The following SCHIP1 variants were observed in gnomAD, a reference collection of about 807,000 sequenced individuals.
SCHIP1 encodes schwannomin interacting protein 1.
Under a neutral mutation model 29.7 loss-of-function variants are expected in SCHIP1, and 8 were observed. The ratio of observed to expected loss-of-function variants is 0.27; its 90% CI spans 0.16 to 0.49. The LOEUF (loss-of-function observed/expected upper bound fraction) is 0.49. Among genes scored for constraint, SCHIP1 ranks in the 20% least tolerant of loss-of-function variants. The pLI is 0.99. For missense variants in SCHIP1, 193 were observed against 294.6 expected, an observed-to-expected ratio of 0.66 and a Z score of 2.52; for synonymous variants, 76 against 94.9, an observed-to-expected ratio of 0.80 and a Z score of 1.16.
At chr3:159,638,790 A>G in the SCHIP1 span, among the ~76,000 whole-genome samples, 1 of 152,098 alleles carries the variant, frequency 6.6e-6, no homozygotes, top group African/African-American at 2.4e-5. Context: ...ATTCATTTAT[A>G]TATTACATAT....
At chr3:159,398,482 A>G in the SCHIP1 span, among the ~76,000 whole-genome samples, 1 of 152,200 alleles carries the variant, frequency 6.6e-6, no homozygotes, top group Non-Finnish European at 1.5e-5. Context: ...GAAATATTCA[A>G]TTGACTTTTG....
chr3:159,468,755 TA>T, the SCHIP1 span, among the ~76,000 whole-genome samples: 7,741 of 112,834 alleles, frequency 0.069, 289 homozygotes, highest in East Asian at 0.11. Context: ...ATATATAATA[TA>T]ATATATATAT....
At chr3:159,335,744 TG>T in the SCHIP1 span, among the ~76,000 whole-genome samples, 3 of 152,224 alleles carry the variant, frequency 2.0e-5, no homozygotes, top group African/African-American at 7.2e-5. Context: ...AGTCTATCCT[TG>T]TTGGAAATTT....
the SCHIP1 span, among the ~76,000 whole-genome samples, chr3:159,554,008 GTGTGTGTGTGTTTGTGTA>G: frequency 1.7e-5 from 2 of 120,124 alleles, no homozygotes; most frequent in African/African-American, 9.0e-5. Context: ...GTGTGTGTGT[GTGTGTGTGTGTTTGTGTA>G]TGTGTGTGTG....
At chr3:159,764,444 A>G in the SCHIP1 span, 3 of 1,588,050 alleles carry the variant, frequency 1.9e-6, no homozygotes. This position sits in a 1 kb window ranked among gnomAD's most constrained non-coding sequence, Gnocchi z 6.1. Context: ...TCCCCCTAGG[A>G]TTACCGAGAG....
chr3:159,642,271 G>A, the SCHIP1 span, among the ~76,000 whole-genome samples: 2 of 151,948 alleles, frequency 1.3e-5, no homozygotes. Context: ...TACTGATATC[G>A]AGATTTTTAT....
the SCHIP1 span, among the ~76,000 whole-genome samples, chr3:159,543,946 T>C: frequency 4.6e-5 from 7 of 152,084 alleles, no homozygotes; most frequent in African/African-American, 7.2e-5. Context: ...CACAAACTCA[T>C]AAATCACAAG....
the SCHIP1 span, among the ~76,000 whole-genome samples, chr3:159,703,296 T>G: frequency 2.6e-5 from 4 of 152,300 alleles, no homozygotes; most frequent in Non-Finnish European, 5.9e-5. Flanking sequence ...AAGAAAATTG[T>G]TTTTCCAAAC....
the SCHIP1 span, among the ~76,000 whole-genome samples, chr3:159,709,964 G>C: frequency 6.6e-6 from 1 of 152,168 alleles, no homozygotes; most frequent in African/African-American, 2.4e-5. Flanking sequence ...TGGAGAAAAG[G>C]GAACCCTTGC....
the SCHIP1 span, chr3:159,273,805 G>A: frequency 1.4e-5 from 22 of 1,613,164 alleles, no homozygotes; most frequent in South Asian, 2.2e-4. Flanking sequence ...ATGGGCAAGA[G>A]TAACTCTTCA....
the SCHIP1 span, among the ~76,000 whole-genome samples, chr3:159,421,690 A>G: frequency 6.6e-6 from 1 of 152,194 alleles, no homozygotes; most frequent in Non-Finnish European, 1.5e-5. Context: ...TTGATTTACA[A>G]AAGTGACTCT....
At chr3:159,572,821 A>G in the SCHIP1 span, among the ~76,000 whole-genome samples, 1 of 152,036 alleles carries the variant, frequency 6.6e-6, no homozygotes, top group African/African-American at 2.4e-5. Flanking sequence ...ATATATATTT[A>G]GGTTAGCTCT....
chr3:159,706,175 GT>G, the SCHIP1 span, among the ~76,000 whole-genome samples: 1 of 152,066 alleles, frequency 6.6e-6, no homozygotes, highest in Non-Finnish European at 1.5e-5. Flanking sequence ...GCCATCTGTG[GT>G]TTTTTTCAGC....
chr3:159,659,023 C>G, the SCHIP1 span, among the ~76,000 whole-genome samples: 2 of 152,182 alleles, frequency 1.3e-5, no homozygotes, highest in Admixed American at 1.3e-4. Flanking sequence ...GCCTCTCTCA[C>G]TTAATGAATA....
chr3:159,654,548 C>T, the SCHIP1 span, among the ~76,000 whole-genome samples: 1 of 152,054 alleles, frequency 6.6e-6, no homozygotes, highest in Non-Finnish European at 1.5e-5. Context: ...TCCTTACTCC[C>T]TGAGTGTGTT....
chr3:159,357,120 GA>G, the SCHIP1 span, among the ~76,000 whole-genome samples: 1 of 152,178 alleles, frequency 6.6e-6, no homozygotes, highest in African/African-American at 2.4e-5. Context: ...TTAAGAGAGA[GA>G]AAGTGACTTG....
At chr3:159,393,164 GT>G in the SCHIP1 span, among the ~76,000 whole-genome samples, 1 of 152,016 alleles carries the variant, frequency 6.6e-6, no homozygotes, top group Non-Finnish European at 1.5e-5. Flanking sequence ...GGGGTTGTTT[GT>G]TTTTTTCTTG....
the SCHIP1 span, among the ~76,000 whole-genome samples, chr3:159,470,253 T>G: frequency 1.3e-5 from 2 of 152,142 alleles, no homozygotes; most frequent in Non-Finnish European, 2.9e-5. Flanking sequence ...ATTATTGCAT[T>G]GAACATAATT....
At chr3:159,441,315 A>G in the SCHIP1 span, among the ~76,000 whole-genome samples, 2 of 152,162 alleles carry the variant, frequency 1.3e-5, no homozygotes, top group African/African-American at 4.8e-5. Context: ...TATTCTTTCA[A>G]CAAACATTTA....
Sources: gnomAD v4.1 joint callset for allele counts (sites outside exome capture counted in the v4.1 genomes callset) on GRCh38, gnomAD v4.1.1 for gene constraint, Gnocchi (gnomAD v3.1) non-coding constraint, MANE v1.5 for transcripts, NCBI Gene and HGNC (gene_info 2026-07-23, HGNC 2026-07-21) for gene names.